Variants in MAST4 observed in about 807,000 individuals in gnomAD.
MAST4 encodes the protein microtubule associated serine/threonine kinase family member 4.
A neutral mutation model predicts 162.7 loss-of-function variants in MAST4; 89 were observed. That is an observed-to-expected ratio of 0.55 (90% CI 0.46 to 0.65). The LOEUF (loss-of-function observed/expected upper bound fraction) is 0.65, where lower values mean the gene tolerates loss of function less well. MAST4 is among the 30% of genes least tolerant of loss of function. The probability of loss-of-function intolerance (pLI) is 0.00; values close to 1 mark genes in which losing one functional copy is unlikely to be tolerated. For synonymous variants in MAST4, 1,479 were observed against 1,361.1 expected, an observed-to-expected ratio of 1.09 and a Z score of -1.91; for missense variants, 3,153 against 3,374.0, an observed-to-expected ratio of 0.93 and a Z score of 1.62.
chr5:66,817,758 T>A (rs1166629911), intron 3 of MAST4, among the ~76,000 whole-genome samples: 4 of 152,188 alleles, frequency 2.6e-5, no homozygotes, highest in Non-Finnish European at 4.4e-5. Context: ...TGAAACACAT[T>A]GTGCATTAAT....
chr5:66,868,893 T>A (rs1018814515), intron 3 of MAST4, among the ~76,000 whole-genome samples: 7 of 152,166 alleles, frequency 4.6e-5, no homozygotes, highest in Admixed American at 4.6e-4. Context: ...GGGTTTAATA[T>A]CAACATCTGC....
chr5:66,697,426 A>G (rs1311309754), intron 1 of MAST4, among the ~76,000 whole-genome samples: 2 of 152,250 alleles, frequency 1.3e-5, no homozygotes, highest in Admixed American at 6.5e-5. Flanking sequence ...TGAAATTTTA[A>G]TTACAAATAA....
At chr5:66,639,313 T>TGTGTGTGTGTGTG (rs1554037879) in intron 1 of MAST4, among the ~76,000 whole-genome samples, 62 of 151,080 alleles carry the variant, frequency 4.1e-4, no homozygotes, top group Admixed American at 6.6e-4. Context: ...TGTGTGTGTG[T>TGTGTGTGTGTGTG]TTTAAGAAGA....
At position 67,069,313 on chromosome 5, in the gene MAST4, A is replaced by ATATAT. The variant is rs1230619144; in HGVS notation, c.763+14821_763+14822insTATAT. ...ATATATATATATATATATATATATA[A>ATATAT]AATTTTAAAATATTCCTTCTAAGGC... On this transcript the variant is annotated intron_variant, in intron 5 of 28. Coordinates refer to ENST00000403625, the MANE Select transcript of MAST4 (RefSeq NM_001164664.2). 3.4e-3 allele frequency among the ~76,000 whole-genome samples: 222 copies of ATATAT among 65,296 alleles called. 5 individuals carry two copies. Among genetic ancestry groups the ATATAT allele is most frequent in the African/African-American group, 0.015 (184 of 12,104 alleles). 42.8% of individuals were successfully genotyped at this position (65,296 alleles called of 152,430 possible).
chr5:66,845,087 A>T (rs1282022086), intron 3 of MAST4, among the ~76,000 whole-genome samples: 2 of 15,926 alleles, frequency 1.3e-4, no homozygotes, highest in African/African-American at 3.6e-4. Context: ...ACTAATCTTT[A>T]TATATATATA....
chr5:67,144,587 G>A, intron 21 of MAST4, 82 bp from the exon 22 acceptor site: 1 of 1,428,826 alleles, frequency 7.0e-7, no homozygotes, highest in South Asian at 1.2e-5. Flanking sequence ...ATCCTCTCAG[G>A]TTTTTCTCCC....
chr5:66,601,486 G>A (rs1742547064), intron 1 of MAST4, among the ~76,000 whole-genome samples: 1 of 152,210 alleles, frequency 6.6e-6, no homozygotes, highest in Non-Finnish European at 1.5e-5. Flanking sequence ...GAGGTAGCAT[G>A]TGGCTGCACT....
At chr5:66,837,864 T>TTATATATATATATATATA (rs1209782576) in intron 3 of MAST4, among the ~76,000 whole-genome samples, 3 of 82,708 alleles carry the variant, frequency 3.6e-5, no homozygotes, top group African/African-American at 5.7e-5. Flanking sequence ...AGACTTGATT[T>TTATATATATATATATATA]TATATATATA....
At chr5:66,935,950 G>A (rs956613969) in intron 4 of MAST4, among the ~76,000 whole-genome samples, 7 of 152,122 alleles carry the variant, frequency 4.6e-5, no homozygotes, top group African/African-American at 1.7e-4. Flanking sequence ...TTACAGGCAT[G>A]AGCCATCGCA....
intron 4 of MAST4, among the ~76,000 whole-genome samples, chr5:66,942,979 A>G (rs1361783330): frequency 6.6e-6 from 1 of 152,078 alleles, no homozygotes; most frequent in Non-Finnish European, 1.5e-5. Flanking sequence ...TGTCTTCTTC[A>G]TATGGCTGTA....
chr5:66,646,984 T>G (rs944611519), intron 1 of MAST4, among the ~76,000 whole-genome samples: 18 of 152,338 alleles, frequency 1.2e-4, no homozygotes, highest in Non-Finnish European at 2.5e-4. Flanking sequence ...GTCATTCCTG[T>G]TGATTTTCTT....
At chr5:66,751,347 T>C (rs1470779958) in intron 1 of MAST4, among the ~76,000 whole-genome samples, 2 of 152,168 alleles carry the variant, frequency 1.3e-5, no homozygotes, top group African/African-American at 4.8e-5. Flanking sequence ...CAAATTACTC[T>C]GAGCTACAGG....
At chr5:67,156,962 A>T (rs1312019831) in intron 26 of MAST4, among the ~76,000 whole-genome samples, 4 of 152,278 alleles carry the variant, frequency 2.6e-5, no homozygotes, top group African/African-American at 9.6e-5. Context: ...TGCACCAGTC[A>T]TGAAAATAGT....
intron 3 of MAST4, among the ~76,000 whole-genome samples, chr5:66,839,782 T>G (rs76637118): frequency 0.031 from 4,745 of 152,216 alleles, 223 homozygotes; most frequent in African/African-American, 0.11. Context: ...AAGAGTGAGA[T>G]TACATCAAAT....
intron 4 of MAST4, among the ~76,000 whole-genome samples, chr5:67,026,014 G>A (rs910202832): frequency 3.9e-5 from 6 of 152,200 alleles, no homozygotes; most frequent in Non-Finnish European, 7.4e-5. Flanking sequence ...GCTTGAATTG[G>A]TGCTGCTCAG....
chr5:66,713,652 C>T (rs1750634603), intron 1 of MAST4, among the ~76,000 whole-genome samples: 2 of 152,190 alleles, frequency 1.3e-5, no homozygotes, highest in African/African-American at 2.4e-5. Flanking sequence ...TTAGTTTGTA[C>T]ATTACTTATT....
intron 1 of MAST4, among the ~76,000 whole-genome samples, chr5:66,753,607 G>C (rs892292048): frequency 1.3e-5 from 2 of 151,750 alleles, no homozygotes; most frequent in African/African-American, 4.8e-5. Flanking sequence ...CCAGGAAGAA[G>C]TTGAATCTCT....
chr5:66,632,070 T>C (rs1017398503), intron 1 of MAST4, among the ~76,000 whole-genome samples: 3 of 152,176 alleles, frequency 2.0e-5, no homozygotes, highest in Non-Finnish European at 2.9e-5. Context: ...ATTTTTCTCC[T>C]TTGGATTATT....
At chr5:67,068,825 A>G (rs1300375310) in intron 5 of MAST4, among the ~76,000 whole-genome samples, 1 of 152,198 alleles carries the variant, frequency 6.6e-6, no homozygotes, top group East Asian at 1.9e-4. Context: ...ATAGTAGTCA[A>G]GAGATAAGCA....
Sources: allele counts gnomAD v4.1 joint callset (sites outside exome capture counted in the v4.1 genomes callset), GRCh38; gene constraint gnomAD v4.1.1; transcripts MANE v1.5; gene names NCBI Gene and HGNC (gene_info 2026-07-23, HGNC 2026-07-21).